Variants in PCDHA12 observed in about 807,000 individuals in gnomAD.
PCDHA12 encodes the protein protocadherin alpha 12.
A neutral mutation model predicts 60.0 loss-of-function variants in PCDHA12; 44 were observed. The ratio of observed to expected loss-of-function variants is 0.73; its 90% confidence interval spans 0.58 to 0.94. PCDHA12 has a LOEUF of 0.94. PCDHA12 is among the 40% of genes least tolerant of loss of function. The pLI is 0.00. For synonymous variants in PCDHA12, 569 were observed against 553.0 expected, an observed-to-expected ratio of 1.03 and a Z score of -0.40; for missense variants, 1,276 against 1,239.7, an observed-to-expected ratio of 1.03 and a Z score of -0.44.
Position 140,927,036 on chromosome 5 carries a change from C to T in PCDHA12, c.2367+49197C>T, listed in dbSNP as rs137875923. 7.2e-5 allele frequency: 116 copies of T among 1,612,314 alleles called. No individual in the cohort carries two copies. In the African/African-American group the frequency reaches 1.3e-3, roughly 19 times the overall value. ...CCGCGGACTTGAGGCTGCCAGCGGC[C>T]GCTATGTCCTCGCGGAACTTTCGCT... On this transcript the variant is annotated intron_variant, in intron 1 of 3. Coordinates refer to ENST00000398631, the MANE Select transcript of PCDHA12 (RefSeq NM_018903.4).
intron 1 of PCDHA12, among the ~76,000 whole-genome samples, chr5:140,946,879 G>A (rs246051): frequency 0.56 from 84,931 of 150,730 alleles, 24,535 homozygotes; most frequent in African/African-American, 0.69. Flanking sequence ...CAATGGGTAC[G>A]AAGTTACAAT....
intron 3 of PCDHA12, among the ~76,000 whole-genome samples, chr5:141,004,307 A>G (rs924420604): frequency 6.6e-6 from 1 of 152,224 alleles, no homozygotes; most frequent in Admixed American, 6.5e-5. Context: ...TTTGTTTTAT[A>G]CAACAACCAG....
intron 1 of PCDHA12, chr5:140,882,206 G>C: frequency 6.5e-7 from 1 of 1,531,252 alleles, no homozygotes; most frequent in Non-Finnish European, 8.8e-7. Context: ...TGGGCCTTGA[G>C]AGACAGTTTG....
chr5:140,892,332 T>C (rs552266223), intron 1 of PCDHA12, among the ~76,000 whole-genome samples: 41 of 152,392 alleles, frequency 2.7e-4, no homozygotes, highest in African/African-American at 9.9e-4. Flanking sequence ...TTCTCCAGAA[T>C]GGATTTTAAT....
intron 1 of PCDHA12, chr5:140,882,313 G>A (rs2059060330): frequency 1.2e-6 from 2 of 1,614,128 alleles, no homozygotes; most frequent in Non-Finnish European, 1.7e-6. Flanking sequence ...GGCAACTACT[G>A]CTCTGGCTTC....
chr5:140,907,136 G>A (rs115442963), intron 1 of PCDHA12, among the ~76,000 whole-genome samples: 1,721 of 152,234 alleles, frequency 0.011, 29 homozygotes, highest in African/African-American at 0.038. Flanking sequence ...TGTGAATTCC[G>A]GCTATGGGAG....
chr5:140,998,005 C>T (rs539275150), intron 3 of PCDHA12, among the ~76,000 whole-genome samples: 300 of 152,282 alleles, frequency 2.0e-3, no homozygotes, highest in Non-Finnish European at 3.8e-3. Context: ...TCTGAGCCTT[C>T]CATCCCCACC....
At chr5:140,883,024 A>G (rs782136244) in intron 1 of PCDHA12, 3 of 1,614,184 alleles carry the variant, frequency 1.9e-6, no homozygotes, top group Non-Finnish European at 2.5e-6. Context: ...TGACGGTGTT[A>G]GAGAACGCCT....
chr5:140,932,430 G>A (rs1563132683), intron 1 of PCDHA12, among the ~76,000 whole-genome samples: 1 of 151,794 alleles, frequency 6.6e-6, no homozygotes, highest in East Asian at 1.9e-4. Context: ...TGTTCACCTG[G>A]AATTAAAGCA....
chr5:140,978,865 A>G, intron 1 of PCDHA12, 84 bp from the exon 2 acceptor site: 1 of 1,602,026 alleles, frequency 6.2e-7, no homozygotes, highest in South Asian at 1.1e-5. Flanking sequence ...GAAATATTTA[A>G]GGGAGTAACT....
chr5:140,933,865 A>G (rs918877939), intron 1 of PCDHA12, among the ~76,000 whole-genome samples: 14 of 151,864 alleles, frequency 9.2e-5, no homozygotes, highest in African/African-American at 1.4e-4. Flanking sequence ...TTTTTCAGAT[A>G]TATGTTAGTT....
At chr5:140,926,373 G>T (rs1040164585) in intron 1 of PCDHA12, 1 of 152,370 alleles carries the variant, frequency 6.6e-6, no homozygotes, top group African/African-American at 2.4e-5. Flanking sequence ...GGCAGGAAGA[G>T]CCCAGCTGGG....
intron 1 of PCDHA12, chr5:140,929,542 C>A (rs2086218387): frequency 1.9e-6 from 1 of 536,790 alleles, no homozygotes; most frequent in Non-Finnish European, 3.0e-6. Context: ...GAAACAAGGG[C>A]AAAAATTAAA....
At chr5:140,967,102 G>A (rs1279026258) in intron 1 of PCDHA12, 1 of 1,612,978 alleles carries the variant, frequency 6.2e-7, no homozygotes, top group African/African-American at 1.3e-5. Context: ...CGCTGTGTGA[G>A]CAGCGGCCTC....
At chr5:140,978,240 C>T (rs1290697340) in intron 1 of PCDHA12, among the ~76,000 whole-genome samples, 3 of 152,174 alleles carry the variant, frequency 2.0e-5, no homozygotes, top group African/African-American at 7.2e-5. Context: ...TGGATTTCAG[C>T]TACTCCCTGT....
Position 140,961,453 on chromosome 5 carries a change from C to A in PCDHA12, c.2368-17496C>A, listed in dbSNP as rs138800149. On this transcript the variant is annotated intron_variant, in intron 1 of 3. Transcript: ENST00000398631. ...AAAATCACCTAACTACACTGTCTTG[C>A]AGCTGCCTTTCTTTTTTTGTCTTGT... Among the ~76,000 whole-genome samples the A allele has an allele frequency of 2.6e-3, 401 of 152,318 alleles. 1 individual carries two copies. The highest frequency in any genetic ancestry group is 9.2e-3 in the African/African-American group (384 of 41,574).
At chr5:140,950,429 T>G (rs1339598073) in intron 1 of PCDHA12, among the ~76,000 whole-genome samples, 1 of 151,896 alleles carries the variant, frequency 6.6e-6, no homozygotes, top group Admixed American at 6.6e-5. Context: ...TTCTTCCACT[T>G]AAAAAAAATG....
At chr5:140,981,828 A>C (rs2096952526) in intron 2 of PCDHA12, among the ~76,000 whole-genome samples, 1 of 152,060 alleles carries the variant, frequency 6.6e-6, no homozygotes, top group Non-Finnish European at 1.5e-5. Context: ...GCTTGCCTCT[A>C]AAGGTCTCCC....
chr5:140,939,215 G>C (rs1251785254), intron 1 of PCDHA12, among the ~76,000 whole-genome samples: 1 of 152,154 alleles, frequency 6.6e-6, no homozygotes, highest in African/African-American at 2.4e-5. Context: ...CCTTCTTGCT[G>C]TCTCTTCACC....
Sources: gnomAD v4.1 joint callset for allele counts (sites outside exome capture counted in the v4.1 genomes callset) on GRCh38, gnomAD v4.1.1 for gene constraint, MANE v1.5 for transcripts, NCBI Gene and HGNC (gene_info 2026-07-23, HGNC 2026-07-21) for gene names.